The following PITRM1 variants were observed in gnomAD, a reference collection of about 807,000 sequenced individuals.
PITRM1 encodes the protein pitrilysin metallopeptidase 1, also known as presequence protease, mitochondrial.
Under a neutral mutation model 129.9 loss-of-function variants are expected in PITRM1, and 100 were observed. The ratio of observed to expected loss-of-function variants is 0.77; its 90% CI spans 0.65 to 0.91. The LOEUF is 0.91. Ranked by LOEUF, PITRM1 falls within the 40% of genes least tolerant of loss-of-function variation. The pLI, the probability that PITRM1 is intolerant of heterozygous loss-of-function variation, is 0.00. For synonymous variants in PITRM1, 591 were observed against 508.8 expected (o/e 1.16, Z -2.17); for missense variants, 1,471 against 1,318.3 (o/e 1.12, Z -1.79).
rs766365510 is a variant in PITRM1, at chr10:3,147,221, C to T, written c.2265G>A (p.Met755Ile). The change falls in exon 20 of 27, where the codon ATG becomes ATA. Residue 755 changes from methionine (M) to isoleucine (I), a missense_variant. Transcript: ENST00000224949. ...TCCTCAGGATGGGTTTGATATCTGT[C>T]ATTTCTGCAATCCTCTTCATCAGCC... ...QVRLMKRIAE[M>I]TDIKPILRKL... The T allele has an allele frequency of 6.2e-7, 1 of 1,612,990 alleles. No individual in the cohort carries two copies. The highest frequency in any genetic ancestry group is 8.5e-7 in the Non-Finnish European group (1 of 1,178,998).
intron 2 of PITRM1, among the ~76,000 whole-genome samples, chr10:3,168,127 T>C (rs1843023730): frequency 6.6e-6 from 1 of 152,212 alleles, no homozygotes; most frequent in Middle Eastern, 3.4e-3. Context: ...ATGAGTCACC[T>C]GGCCAAGCGC....
Position 3,166,937 on chromosome 10 carries a change from T to C in PITRM1, c.265A>G (p.Ser89Gly), listed in dbSNP as rs747650930. 1.5e-5 allele frequency: 23 copies of C among 1,574,432 alleles called. No homozygotes were observed. The highest frequency in any genetic ancestry group is 1.9e-5 in the Non-Finnish European group (22 of 1,146,266). The change falls in exon 3 of 27, where the codon AGC becomes GGC. Residue 89 changes from serine to glycine, a missense_variant and splice_region_variant. Coordinates refer to ENST00000224949, the MANE Select transcript of PITRM1 (RefSeq NM_014889.4). ...ATGTTCTTACAATGCACCACACACCTGAACAGATTATTCGTGTCTTCTCTG... is the reference window on the plus strand; with the variant it reads ...ATGTTCTTACAATGCACCACACACCCGAACAGATTATTCGTGTCTTCTCTG... ...LAREDTNNLFSVQFRTTPMDS... is the reference protein window; with the variant it reads ...LAREDTNNLFGVQFRTTPMDS...
At chr10:3,164,806 C>T (rs1458541531) in intron 6 of PITRM1, among the ~76,000 whole-genome samples, 1 of 152,122 alleles carries the variant, frequency 6.6e-6, no homozygotes, top group African/African-American at 2.4e-5. Context: ...TAGAGTGGTG[C>T]TGTGTTGCCT....
intron 23 of PITRM1, 130 bp downstream of exon 23, chr10:3,143,259 G>A: frequency 1.6e-6 from 1 of 644,082 alleles, no homozygotes; most frequent in Admixed American, 2.4e-5. Flanking sequence ...GACTCACACA[G>A]CCCCAGGTCC....
Position 3,165,437 on chromosome 10 carries a change from G to A in PITRM1, c.509C>T (p.Pro170Leu). 6.2e-7 allele frequency: 1 copy of A among 1,613,174 alleles called. No homozygotes were observed. The highest frequency in any genetic ancestry group is 1.3e-5 in the African/African-American group (1 of 74,978). Residue 170 changes from proline to leucine, a missense_variant, in exon 5 of 27, where the codon CCA becomes CTA. Pro to Leu is a moderately conservative substitution (Grantham distance 98, BLOSUM62 -3). Transcript: ENST00000224949. ...LSVYLDATFF[P>L]CLRELDFWQE... ...CCAGAAATCCAGCTCGCGTAAACATGGGAAAAAGGTGGCATCCAAATACAC... is the reference window on the plus strand; with the variant it reads ...CCAGAAATCCAGCTCGCGTAAACATAGGAAAAAGGTGGCATCCAAATACAC...
chr10:3,168,956 AC>A (rs1843116524), intron 2 of PITRM1, among the ~76,000 whole-genome samples: 2 of 69,158 alleles, frequency 2.9e-5, no homozygotes. Flanking sequence ...ACACACACAC[AC>A]ACACACACAA....
At chr10:3,139,909 G>A (rs1162803090) in intron 24 of PITRM1, among the ~76,000 whole-genome samples, 10 of 152,182 alleles carry the variant, frequency 6.6e-5, no homozygotes, top group Non-Finnish European at 8.8e-5. Context: ...TTACAGTAAC[G>A]GTGTTATGTT....
rs1217964080 is a variant in PITRM1 at position 3,143,909 on chromosome 10, C to T, written c.2532+383G>A. The T allele has an allele frequency of 2.5e-5, 13 of 520,738 alleles. No individual in the cohort carries two copies. In the Admixed American group the frequency reaches 2.7e-4, roughly 11 times the overall value. 32.3% of individuals were successfully genotyped at this position (520,738 alleles called of 1,614,324 possible). Reference sequence around the variant, plus strand: ...GGAACCAAACCAAACAGCATCAGCACCAGGCTGAGTCGCGGAAAGGATCTG... The same window carrying T: ...GGAACCAAACCAAACAGCATCAGCATCAGGCTGAGTCGCGGAAAGGATCTG... On this transcript the variant is annotated intron_variant, in intron 22 of 26. Coordinates refer to ENST00000224949, the MANE Select transcript of PITRM1 (RefSeq NM_014889.4).
In PITRM1 at chr10:3,147,145, T is replaced by A. The variant is rs771003960; in HGVS notation, c.2336+5A>T. On this transcript the variant is annotated splice_donor_5th_base_variant and intron_variant, in intron 20 of 26. Transcript: ENST00000224949. ...AAAATATTTAGAAACAAATCACACA[T>A]GCACCTCATATTATCACCATTTAAC... The A allele has an allele frequency of 2.1e-6, 3 of 1,404,546 alleles. No individual in the cohort carries two copies. Among genetic ancestry groups the A allele is most frequent in the African/African-American group, 2.8e-5 (2 of 70,856 alleles). The allele number at this position is 1,404,546 out of a possible 1,614,324, so 87.0% of individuals were successfully genotyped here. A position where few individuals can be genotyped will look rare whatever the true frequency, so the allele number is the denominator to read the frequency against.
rs73577185 is a variant in PITRM1, at chr10:3,142,033, A to G, written c.2646-1221T>C. ...TATTAAAAACATGCTCACTTTTGAA[A>G]GATTATAAAATACAAAACACAAGGA... On this transcript the variant is annotated intron_variant, in intron 23 of 26. Coordinates refer to ENST00000224949, the MANE Select transcript of PITRM1 (RefSeq NM_014889.4). Among the ~76,000 whole-genome samples, 1,258 of 152,338 alleles carry G rather than the reference A, an allele frequency of 8.3e-3. 12 individuals are homozygous for G. Among genetic ancestry groups the G allele is most frequent in the African/African-American group, 0.029 (1,188 of 41,570 alleles).
chr10:3,156,626 CTG>C (rs1842004154), intron 13 of PITRM1, among the ~76,000 whole-genome samples: 1 of 152,230 alleles, frequency 6.6e-6, no homozygotes. Context: ...ATTTGGGTGA[CTG>C]TTCACATATT....
chr10:3,151,149 A>T, intron 15 of PITRM1, 98 bp downstream of exon 15: 1 of 737,524 alleles, frequency 1.4e-6, no homozygotes, highest in Non-Finnish European at 2.5e-6. Context: ...TGTTTCAGGG[A>T]AAACCTCCAA....
intron 8 of PITRM1, 82 bp from the exon 9 acceptor site, chr10:3,160,018 G>A (rs547732485): frequency 2.5e-5 from 31 of 1,242,390 alleles, no homozygotes; most frequent in Non-Finnish European, 3.5e-5. Flanking sequence ...ACACGAAATG[G>A]AGCGAAACAG....
intron 1 of PITRM1, among the ~76,000 whole-genome samples, chr10:3,171,903 G>A (rs1446832258): frequency 1.3e-5 from 2 of 152,174 alleles, no homozygotes; most frequent in African/African-American, 4.8e-5. Context: ...TATGTCGTAT[G>A]GGATTTTCTA....
At chr10:3,168,143 G>C (rs982775695) in intron 2 of PITRM1, among the ~76,000 whole-genome samples, 1 of 152,004 alleles carries the variant, frequency 6.6e-6, no homozygotes, top group African/African-American at 2.4e-5. Flanking sequence ...AGCGCACACA[G>C]TAAGTCGCTG....
At chr10:3,138,626 G>A (rs10795007) in intron 25 of PITRM1, 149,361 of 606,312 alleles carry the variant, frequency 0.25, 19,777 homozygotes, top group Non-Finnish European at 0.29. Flanking sequence ...GGCCATGCCC[G>A]GGCCGTGCCC....
Position 3,170,186 on chromosome 10 carries a change from C to T in PITRM1, c.77G>A (p.Trp26Ter). ...ACAAGCCCGGTTACTGTTCCATCGCCACGCTCTGTGGTGTGCATGTCTAGA... is the reference window on the plus strand; with the variant it reads ...ACAAGCCCGGTTACTGTTCCATCGCTACGCTCTGTGGTGTGCATGTCTAGA... ...LSGGHAHHRA[W>*]RWNSNRACER... The change falls in exon 2 of 27, where the codon TGG becomes TAG. Residue 26 changes from tryptophan to a stop codon, truncating the protein, a stop_gained. Coordinates refer to ENST00000224949, the MANE Select transcript of PITRM1 (RefSeq NM_014889.4). LOFTEE classifies it high-confidence loss of function. The T allele has an allele frequency of 6.2e-7, 1 of 1,613,930 alleles. No individual in the cohort carries two copies.
Position 3,166,839 on chromosome 10 carries a change from G to C in PITRM1, c.266+97C>G, listed in dbSNP as rs111831150. 1,030 of 682,498 alleles carry C rather than the reference G, an allele frequency of 1.5e-3. 9 individuals carry two copies. The African/African-American group carries it at 0.017, about 11-fold the overall frequency. 42.3% of individuals were successfully genotyped at this position (682,498 alleles called of 1,614,324 possible). A position where few individuals can be genotyped will look rare whatever the true frequency, so the allele number is the denominator to read the frequency against. On this transcript the variant is annotated intron_variant, in intron 3 of 26. Coordinates refer to ENST00000224949, the MANE Select transcript of PITRM1 (RefSeq NM_014889.4). ...ATTTTATGCGTGGCCTAAGACAGTTGTTCTTCTTCCATTGTGGCACAGGGA... is the reference window on the plus strand; with the variant it reads ...ATTTTATGCGTGGCCTAAGACAGTTCTTCTTCTTCCATTGTGGCACAGGGA...
Position 3,151,324 on chromosome 10 carries a change from G to A in PITRM1, c.1661C>T (p.Ala554Val), listed in dbSNP as rs12248937. ...LRSQQSKPQD[A>V]SCLPALKVSD... is the part of the protein sequence containing the mutation. The stretch of plus-strand genomic sequence containing the variant: ...AACTTTCAACGCTGGCAGACAAGAG[G>A]CATCTTGAGGTTTGCTTTGTTGACT... The change falls in exon 15 of 27, where the codon GCC becomes GTC. Residue 554 changes from alanine (A) to valine (V), a missense_variant. Coordinates refer to ENST00000224949, the MANE Select transcript of PITRM1 (RefSeq NM_014889.4). The A allele has an allele frequency of 3.1e-6, 5 of 1,611,012 alleles. No individual in the cohort carries two copies. Among genetic ancestry groups the A allele is most frequent in the Non-Finnish European group, 4.2e-6 (5 of 1,178,528 alleles).
Sources: gnomAD v4.1 joint callset for allele counts (sites outside exome capture counted in the v4.1 genomes callset) on GRCh38, gnomAD v4.1.1 for gene constraint, MANE v1.5 for transcripts, NCBI Gene and HGNC (gene_info 2026-07-23, HGNC 2026-07-21) for gene names.